The following PTPRK variants were observed in gnomAD, a reference collection of about 807,000 sequenced individuals.
PTPRK encodes the protein protein tyrosine phosphatase receptor type K, also known as receptor-type tyrosine-protein phosphatase kappa.
PTPRK carries 75 observed loss-of-function variants against 178.0 expected under a neutral mutation model. The observed-to-expected ratio is 0.42, with a 90% CI of 0.35 to 0.51. PTPRK has a LOEUF of 0.51. PTPRK is among the 20% of genes least tolerant of loss of function. The pLI is 0.02. For synonymous variants in PTPRK, 637 were observed against 620.6 expected (o/e 1.03, Z -0.39); for missense variants, 1,441 against 1,797.8 (o/e 0.80, Z 3.59).
chr6:128,498,057 A>C (rs1222074189), intron 1 of PTPRK, among the ~76,000 whole-genome samples: 2 of 152,186 alleles, frequency 1.3e-5, no homozygotes, highest in Admixed American at 1.3e-4. Flanking sequence ...ACAAAAACAA[A>C]AGCAAAAAAA....
rs1814632414 is a variant in PTPRK at position 128,242,402 on chromosome 6, A to T, written c.577+119T>A. ...TCCTTTTAAAACTCAATAGAAGGCT[A>T]GGACTAACAATAACAAGAGAGACAG... On this transcript the variant is annotated intron_variant, in intron 4 of 29. Coordinates refer to ENST00000368226, the MANE Select transcript of PTPRK (RefSeq NM_002844.4). 9.1e-6 allele frequency: 12 copies of T among 1,314,670 alleles called. No individual in the cohort carries two copies. The Middle Eastern group carries it at 7.6e-4, about 84-fold the overall frequency. 81.4% of individuals were successfully genotyped at this position (1,314,670 alleles called of 1,614,324 possible). A position where few individuals can be genotyped will look rare whatever the true frequency, so the allele number is the denominator to read the frequency against.
At chr6:128,237,223 A>G (rs1041940901) in intron 5 of PTPRK, among the ~76,000 whole-genome samples, 1 of 152,212 alleles carries the variant, frequency 6.6e-6, no homozygotes, top group Non-Finnish European at 1.5e-5. Context: ...CATTTTGCCA[A>G]TTGAAGCTCA....
intron 15 of PTPRK, among the ~76,000 whole-genome samples, chr6:128,004,823 T>C (rs969278758): frequency 1.3e-5 from 2 of 151,838 alleles, no homozygotes; most frequent in East Asian, 1.9e-4. Flanking sequence ...ACACGTGCTA[T>C]GGACTGAGTG....
chr6:128,336,355 G>A (rs1830929654), intron 2 of PTPRK, among the ~76,000 whole-genome samples: 1 of 152,030 alleles, frequency 6.6e-6, no homozygotes. Flanking sequence ...GCTTCCCTCT[G>A]GGGTGTACTG....
chr6:128,348,840 A>T (rs750109053), intron 2 of PTPRK, among the ~76,000 whole-genome samples: 36 of 152,200 alleles, frequency 2.4e-4, no homozygotes, highest in Non-Finnish European at 4.6e-4. Flanking sequence ...TTGAACACTG[A>T]TAAGAAAAAT....
At chr6:128,066,320 C>T (rs1443907239) in intron 12 of PTPRK, among the ~76,000 whole-genome samples, 1 of 152,144 alleles carries the variant, frequency 6.6e-6, no homozygotes, top group African/African-American at 2.4e-5. Flanking sequence ...GCATCTTCAA[C>T]CATGAGCAGC....
intron 2 of PTPRK, among the ~76,000 whole-genome samples, chr6:128,338,627 C>A (rs1440127748): frequency 6.6e-6 from 1 of 151,806 alleles, no homozygotes. Flanking sequence ...TCCCAACACT[C>A]AGGCTAGGTC....
At chr6:128,183,254 T>C (rs748946869) in intron 7 of PTPRK, among the ~76,000 whole-genome samples, 21 of 152,158 alleles carry the variant, frequency 1.4e-4, no homozygotes, top group Non-Finnish European at 2.5e-4. Flanking sequence ...AAGTTTATCT[T>C]CTATCACAGA....
At chr6:128,031,163 C>T (rs1449778863) in intron 13 of PTPRK, among the ~76,000 whole-genome samples, 3 of 152,184 alleles carry the variant, frequency 2.0e-5, no homozygotes, top group African/African-American at 7.2e-5. Flanking sequence ...ATACCACAGC[C>T]TTGAATGCTC....
intron 13 of PTPRK, among the ~76,000 whole-genome samples, chr6:128,042,218 GT>G (rs1477298515): frequency 6.6e-6 from 1 of 151,988 alleles, no homozygotes; most frequent in Non-Finnish European, 1.5e-5. Context: ...TCATTTTCAT[GT>G]TTTTAGATAT....
intron 1 of PTPRK, among the ~76,000 whole-genome samples, chr6:128,478,156 G>A (rs1185044464): frequency 1.3e-5 from 2 of 152,104 alleles, no homozygotes; most frequent in Admixed American, 1.3e-4. Flanking sequence ...AAAAAAAGCA[G>A]AACAAAGATC....
chr6:128,328,103 C>T (rs1218813310), intron 2 of PTPRK, among the ~76,000 whole-genome samples: 1 of 152,188 alleles, frequency 6.6e-6, no homozygotes, highest in African/African-American at 2.4e-5. Context: ...GTCCACTGTG[C>T]AGTACCACCA....
chr6:128,490,971 T>G (rs1477845942), intron 1 of PTPRK, among the ~76,000 whole-genome samples: 2 of 152,228 alleles, frequency 1.3e-5, no homozygotes, highest in Non-Finnish European at 2.9e-5. Context: ...TTAACCTTAA[T>G]GACCTCTTTA....
chr6:127,970,426 C>A, intron 29 of PTPRK, 146 bp from the exon 30 acceptor site: 1 of 505,382 alleles, frequency 2.0e-6, no homozygotes, highest in Non-Finnish European at 3.3e-6. Flanking sequence ...AATATCTAGG[C>A]ATACATATTT....
chr6:128,119,996 T>C (rs991824323), intron 7 of PTPRK, among the ~76,000 whole-genome samples: 1 of 151,972 alleles, frequency 6.6e-6, no homozygotes, highest in African/African-American at 2.4e-5. Flanking sequence ...AGTCTCAGTG[T>C]TTCAGGAAGA....
At chr6:128,224,120 C>A (rs925269680) in intron 5 of PTPRK, among the ~76,000 whole-genome samples, 1 of 152,136 alleles carries the variant, frequency 6.6e-6, no homozygotes, top group African/African-American at 2.4e-5. Flanking sequence ...TTCTCCATTG[C>A]AAATGTATAC....
chr6:128,123,362 G>C (rs1460599090), intron 7 of PTPRK, among the ~76,000 whole-genome samples: 1 of 152,116 alleles, frequency 6.6e-6, no homozygotes, highest in African/African-American at 2.4e-5. Flanking sequence ...GTGGTTCTTT[G>C]ATAAACAGTT....
intron 11 of PTPRK, among the ~76,000 whole-genome samples, chr6:128,071,879 T>C (rs1302655863): frequency 6.6e-6 from 1 of 152,090 alleles, no homozygotes; most frequent in Non-Finnish European, 1.5e-5. Flanking sequence ...AATTTTTAAA[T>C]CTGTTTCTGT....
rs148436292 is a variant in PTPRK, at chr6:128,248,310, T to G, written c.496-5708A>C. Reference sequence around the variant, plus strand: ...TATACACATTACATATATGTGCATATATATAAAACATCATCACATAAAATT... The same window carrying G: ...TATACACATTACATATATGTGCATAGATATAAAACATCATCACATAAAATT... On this transcript the variant is annotated intron_variant, in intron 3 of 29. Transcript: ENST00000368226. Among the ~76,000 whole-genome samples, 385 of 152,280 alleles carry G rather than the reference T, an allele frequency of 2.5e-3. 1 individual carries two copies. Among genetic ancestry groups the G allele is most frequent in the African/African-American group, 8.8e-3 (364 of 41,556 alleles).
Sources: gnomAD v4.1 joint callset for allele counts (sites outside exome capture counted in the v4.1 genomes callset) on GRCh38, gnomAD v4.1.1 for gene constraint, MANE v1.5 for transcripts, NCBI Gene and HGNC (gene_info 2026-07-23, HGNC 2026-07-21) for gene names.